CTBP2: variants seen among roughly 807,000 people sequenced by gnomAD.
CTBP2 encodes the protein C-terminal binding protein 2.
CTBP2 carries 30 observed loss-of-function variants against 80.3 expected under a neutral mutation model. That is an observed-to-expected ratio of 0.37 (90% CI 0.28 to 0.51). The LOEUF is 0.51. Ranked by LOEUF, CTBP2 falls within the 20% of genes least tolerant of loss-of-function variation. The probability of loss-of-function intolerance (pLI) is 0.93; values close to 1 mark genes in which losing one functional copy is unlikely to be tolerated. For synonymous variants in CTBP2, 594 were observed against 587.4 expected, an observed-to-expected ratio of 1.01 and a Z score of -0.16; for missense variants, 1,212 against 1,375.3, an observed-to-expected ratio of 0.88 and a Z score of 1.88.
intron 2 of CTBP2, among the ~76,000 whole-genome samples, chr10:125,045,800 CTA>C (rs1961094777): frequency 6.6e-6 from 1 of 152,190 alleles, no homozygotes; most frequent in African/African-American, 2.4e-5. Context: ...GTGACCCTTT[CTA>C]ATATACACAT....
intron 2 of CTBP2, among the ~76,000 whole-genome samples, chr10:125,053,566 C>G (rs1434430549): frequency 1.3e-5 from 2 of 152,172 alleles, no homozygotes; most frequent in Non-Finnish European, 2.9e-5. Flanking sequence ...GGGAAATCAA[C>G]AGGCTCAGCT....
chr10:125,108,868 A>G (rs143107356), intron 2 of CTBP2, among the ~76,000 whole-genome samples: 2 of 152,388 alleles, frequency 1.3e-5, no homozygotes, highest in African/African-American at 4.8e-5. Flanking sequence ...CCAAAGTGCT[A>G]TAAAAAACTC....
intron 2 of CTBP2, among the ~76,000 whole-genome samples, chr10:125,041,330 A>G (rs1590267032): frequency 6.6e-6 from 1 of 152,042 alleles, no homozygotes; most frequent in East Asian, 1.9e-4. Flanking sequence ...TGATCCACCC[A>G]CCTCAGCCTC....
chr10:125,085,421 G>A (rs746823732), intron 2 of CTBP2, among the ~76,000 whole-genome samples: 1 of 152,212 alleles, frequency 6.6e-6, no homozygotes, highest in African/African-American at 2.4e-5. Flanking sequence ...ATGAAAGAAA[G>A]CTCTGCGGGC....
chr10:125,106,013 G>A (rs1238841340), intron 2 of CTBP2, among the ~76,000 whole-genome samples: 3 of 152,094 alleles, frequency 2.0e-5, no homozygotes, highest in Non-Finnish European at 2.9e-5. Context: ...ACAAACACAC[G>A]CTCCAAGCCT....
At chr10:125,115,678 C>G (rs1853126921) in intron 1 of CTBP2, among the ~76,000 whole-genome samples, 1 of 152,218 alleles carries the variant, frequency 6.6e-6, no homozygotes, top group South Asian at 2.1e-4. Context: ...AAACTCATCT[C>G]TGCCTAACTC....
At chr10:125,161,796 G>A (rs891960299), upstream of CTBP2, among the ~76,000 whole-genome samples, 10 of 152,156 alleles carry the variant, frequency 6.6e-5, no homozygotes, top group African/African-American at 2.4e-4. Context: ...GGAGCCCCGG[G>A]TCTCGAGGAG....
chr10:125,112,611 T>C (rs1296549273), intron 1 of CTBP2, among the ~76,000 whole-genome samples: 1 of 151,634 alleles, frequency 6.6e-6, no homozygotes, highest in Non-Finnish European at 1.5e-5. Context: ...GTATTTTTAG[T>C]ATAGACGAGG....
chr10:125,117,972 A>G (rs1853620844), intron 1 of CTBP2, among the ~76,000 whole-genome samples: 1 of 152,336 alleles, frequency 6.6e-6, no homozygotes, highest in Middle Eastern at 3.4e-3. Flanking sequence ...TCTTTGTCAG[A>G]GAGTGTTTAT....
At chr10:125,126,958 C>T (rs749531957) in intron 1 of CTBP2, among the ~76,000 whole-genome samples, 1 of 151,642 alleles carries the variant, frequency 6.6e-6, no homozygotes, top group Non-Finnish European at 1.5e-5. Flanking sequence ...CTACTCTACT[C>T]TGTCCATCCC....
chr10:125,146,132 T>C (rs73379154), intron 1 of CTBP2, among the ~76,000 whole-genome samples: 5,270 of 152,184 alleles, frequency 0.035, 260 homozygotes, highest in African/African-American at 0.12. Context: ...ATCTACAAAA[T>C]CAATTTCTCC....
chr10:125,135,279 C>G (rs550692982), intron 1 of CTBP2, among the ~76,000 whole-genome samples: 2 of 152,308 alleles, frequency 1.3e-5, no homozygotes, highest in African/African-American at 4.8e-5. Context: ...ACCACCCTCT[C>G]TCCCTACTGT....
chr10:125,019,369 T>C (rs945901286), intron 1 of CTBP2, among the ~76,000 whole-genome samples: 1 of 152,198 alleles, frequency 6.6e-6, no homozygotes, highest in Non-Finnish European at 1.5e-5. Context: ...GCAAGGAATC[T>C]GTGAAAAAGC....
intron 2 of CTBP2, among the ~76,000 whole-genome samples, chr10:125,087,590 CAT>C: frequency 6.6e-6 from 1 of 152,244 alleles, no homozygotes; most frequent in East Asian, 1.9e-4. Flanking sequence ...CACCCACTCA[CAT>C]GTCTCTCATC....
At chr10:125,119,212 C>T (rs1853894414) in intron 1 of CTBP2, among the ~76,000 whole-genome samples, 1 of 152,210 alleles carries the variant, frequency 6.6e-6, no homozygotes, top group Non-Finnish European at 1.5e-5. Context: ...CATACCACAG[C>T]GAGAGATGGA....
intron 8 of CTBP2, among the ~76,000 whole-genome samples, chr10:124,990,396 G>A (rs1191614891): frequency 6.6e-6 from 1 of 152,160 alleles, no homozygotes; most frequent in Non-Finnish European, 1.5e-5. Flanking sequence ...AAAGCAAGGA[G>A]AAGTCTCAAT....
At position 125,088,761 on chromosome 10, in the gene CTBP2, G is replaced by T. The variant is rs147154544; in HGVS notation, c.-102+22229C>A. ...GTTAACGGGCATACAAAAAGAGGGC[G>T]AAGATCACACCCTTCATACTTCCCA... is the stretch of plus-strand genomic sequence containing the variant. On this transcript the variant is annotated intron_variant, in intron 2 of 10. Transcript: ENST00000337195. 1.1e-4 allele frequency among the ~76,000 whole-genome samples: 17 copies of T among 152,230 alleles called. No individual in the cohort carries two copies. The East Asian group carries it at 3.3e-3, about 29-fold the overall frequency.
In CTBP2 at chr10:125,026,087, T is replaced by C; in HGVS notation, c.1673A>G (p.Glu558Gly). 2 of 1,563,018 alleles carry C rather than the reference T, an allele frequency of 1.3e-6. No homozygotes were observed. The highest frequency in any genetic ancestry group is 1.2e-5 in the South Asian group (1 of 82,780). Reference sequence around the variant, plus strand: ...AGGCGGGGAGGATGTATTACTTGGTTCTGGTGCAAGCATGGTGGACACGAT... The same window carrying C: ...AGGCGGGGAGGATGTATTACTTGGTCCTGGTGCAAGCATGGTGGACACGAT... Residue 558 changes from glutamate to glycine, a missense_variant, in exon 1 of 9, where the codon GAA (glutamate) becomes GGA (glycine). Physicochemically the swap from Glu to Gly is moderately conservative, Grantham distance 98. Coordinates refer to ENST00000309035, the MANE Select transcript of CTBP2 (RefSeq NM_022802.3).
intron 2 of CTBP2, among the ~76,000 whole-genome samples, chr10:125,047,120 AC>A (rs201833063): frequency 0.014 from 2,163 of 152,324 alleles, 17 homozygotes; most frequent in Non-Finnish European, 0.021. Context: ...TTAAAAATAA[AC>A]TGTATATTAG....
Sources: gnomAD v4.1 joint callset for allele counts (sites outside exome capture counted in the v4.1 genomes callset) on GRCh38, gnomAD v4.1.1 for gene constraint, MANE v1.5 for transcripts, NCBI Gene and HGNC (gene_info 2026-07-23, HGNC 2026-07-21) for gene names.